SNTG2: variants seen among roughly 807,000 people sequenced by gnomAD.
The protein encoded by SNTG2 is syntrophin gamma 2.
Under a neutral mutation model 70.9 loss-of-function variants are expected in SNTG2, and 74 were observed. That is an observed-to-expected ratio of 1.04 (90% CI 0.86 to 1.27). SNTG2 has a LOEUF of 1.27. SNTG2 is among the 50% of genes most tolerant of loss of function. The probability of loss-of-function intolerance (pLI) is 0.00; values close to 1 mark genes in which losing one functional copy is unlikely to be tolerated. For missense variants in SNTG2, 717 were observed against 690.7 expected, an observed-to-expected ratio of 1.04 and a Z score of -0.43; for synonymous variants, 278 against 273.8, an observed-to-expected ratio of 1.02 and a Z score of -0.15.
At chr2:1,042,338 TTAAC>T (rs1269894903) in intron 1 of SNTG2, among the ~76,000 whole-genome samples, 1 of 152,212 alleles carries the variant, frequency 6.6e-6, no homozygotes, top group Non-Finnish European at 1.5e-5. Flanking sequence ...ATTTCTCAAT[TTAAC>T]TAGTATTTCT....
intron 1 of SNTG2, among the ~76,000 whole-genome samples, chr2:1,081,640 C>T (rs1664303030): frequency 1.3e-5 from 2 of 152,238 alleles, no homozygotes; most frequent in South Asian, 2.1e-4. Flanking sequence ...TTGGTGCCTC[C>T]ACAGGCACTG....
intron 1 of SNTG2, among the ~76,000 whole-genome samples, chr2:1,060,135 A>C (rs978938872): frequency 6.6e-6 from 1 of 152,242 alleles, no homozygotes; most frequent in Non-Finnish European, 1.5e-5. Flanking sequence ...GATGTTTAAC[A>C]CCAAGACTAA....
intron 8 of SNTG2, among the ~76,000 whole-genome samples, chr2:1,206,660 A>G (rs1213769513): frequency 6.6e-6 from 1 of 152,176 alleles, no homozygotes; most frequent in African/African-American, 2.4e-5. Flanking sequence ...CTCCAAGTGA[A>G]AAGCGTCCTA....
chr2:1,159,569 G>A (rs1199549087), intron 6 of SNTG2: 2 of 152,152 alleles, frequency 1.3e-5, no homozygotes, highest in African/African-American at 2.4e-5. Context: ...AAAATTCGTC[G>A]AATACAAGTA....
intron 9 of SNTG2, among the ~76,000 whole-genome samples, chr2:1,225,888 G>GGGCAC (rs1256794719): frequency 6.6e-6 from 1 of 152,124 alleles, no homozygotes; most frequent in African/African-American, 2.4e-5. Context: ...CACCTGGGCA[G>GGGCAC]GGCACAATCT....
chr2:972,611 G>A (rs1025981488), intron 1 of SNTG2, among the ~76,000 whole-genome samples: 3 of 152,128 alleles, frequency 2.0e-5, no homozygotes, highest in African/African-American at 7.2e-5. Flanking sequence ...ATTGGAGGTG[G>A]AGCCTGGTGG....
rs541667901 is a variant in SNTG2, at chr2:1,045,989, C to T, written c.73-37529C>T. On this transcript the variant is annotated intron_variant, in intron 1 of 16. Coordinates refer to ENST00000308624, the MANE Select transcript of SNTG2 (RefSeq NM_018968.4). ...GTGTTGAAATATCTCACTATTATTC[C>T]GTGGTTATCTGAGACTCTCTGTGAG... Among the ~76,000 whole-genome samples, 15 of 151,928 alleles carry T rather than the reference C, an allele frequency of 9.9e-5. No individual in the cohort carries two copies. The South Asian group carries it at 1.5e-3, about 15-fold the overall frequency.
chr2:1,137,362 T>C (rs1355382133), intron 4 of SNTG2, among the ~76,000 whole-genome samples: 1 of 147,150 alleles, frequency 6.8e-6, no homozygotes, highest in Non-Finnish European at 1.5e-5. Flanking sequence ...CACACAGGCA[T>C]GCACATATCA....
intron 13 of SNTG2, among the ~76,000 whole-genome samples, chr2:1,261,438 ATACC>A (rs1279347615): frequency 6.6e-6 from 1 of 152,168 alleles, no homozygotes; most frequent in African/African-American, 2.4e-5. Context: ...TTTTTCTCTG[ATACC>A]TTCTAAAAAT....
intron 1 of SNTG2, among the ~76,000 whole-genome samples, chr2:1,051,667 T>C (rs928474726): frequency 1.3e-5 from 2 of 152,200 alleles, no homozygotes; most frequent in African/African-American, 4.8e-5. Context: ...TTCTTTCCAG[T>C]ATATGCCATG....
chr2:971,975 T>C (rs1396757589), intron 1 of SNTG2, among the ~76,000 whole-genome samples: 1 of 152,152 alleles, frequency 6.6e-6, no homozygotes, highest in Non-Finnish European at 1.5e-5. Flanking sequence ...GTGATTTTCT[T>C]GTTATTGATT....
chr2:1,085,317 T>C (rs988503396), intron 2 of SNTG2, among the ~76,000 whole-genome samples: 3 of 152,152 alleles, frequency 2.0e-5, no homozygotes, highest in African/African-American at 7.2e-5. Context: ...TAGAAAAAAA[T>C]AAATTACATT....
chr2:1,100,770 A>G (rs1363729948), intron 4 of SNTG2, among the ~76,000 whole-genome samples: 2 of 152,068 alleles, frequency 1.3e-5, no homozygotes, highest in East Asian at 3.9e-4. Context: ...TTTTTTTTTA[A>G]TTGGTGGATA....
intron 6 of SNTG2, among the ~76,000 whole-genome samples, chr2:1,145,355 A>G (rs28890873): frequency 0.37 from 55,850 of 151,918 alleles, 11,113 homozygotes; most frequent in East Asian, 0.83. Context: ...TACATATGCA[A>G]AGAGAGAACA....
chr2:1,099,315 T>G (rs1665608713), intron 4 of SNTG2, among the ~76,000 whole-genome samples: 1 of 152,172 alleles, frequency 6.6e-6, no homozygotes, highest in Admixed American at 6.5e-5. Context: ...GGTGGCCTTA[T>G]GACCTCATGT....
At position 1,255,001 on chromosome 2, in the gene SNTG2, C is replaced by T. The variant is rs571545163; in HGVS notation, c.1006-4369C>T. On this transcript the variant is annotated intron_variant, in intron 12 of 16. Coordinates refer to ENST00000308624, the MANE Select transcript of SNTG2 (RefSeq NM_018968.4). ...TGATAAAGTGCCTCAGAGAGGTTCA[C>T]GCTGCATGGGCCCCTCTTAGCAGAG... Among the ~76,000 whole-genome samples, 87 of 152,242 alleles carry T rather than the reference C, an allele frequency of 5.7e-4. No individual in the cohort carries two copies. The South Asian group carries it at 0.017, about 29-fold the overall frequency.
intron 4 of SNTG2, among the ~76,000 whole-genome samples, chr2:1,134,059 G>A (rs933900322): frequency 6.6e-6 from 1 of 152,044 alleles, no homozygotes; most frequent in Non-Finnish European, 1.5e-5. Flanking sequence ...GAGTGTTACA[G>A]CTCTTAAGGC....
At chr2:1,064,288 G>A (rs1031541661) in intron 1 of SNTG2, among the ~76,000 whole-genome samples, 11 of 152,126 alleles carry the variant, frequency 7.2e-5, no homozygotes, top group African/African-American at 2.6e-4. Context: ...AATGTTAAAA[G>A]ATGTACTTCA....
chr2:1,007,060 T>C (rs1260282874), intron 1 of SNTG2, among the ~76,000 whole-genome samples: 1 of 151,714 alleles, frequency 6.6e-6, no homozygotes, highest in South Asian at 2.1e-4. Flanking sequence ...AATAAATAAA[T>C]GTGTATATAT....
Sources: gnomAD v4.1 joint callset for allele counts (sites outside exome capture counted in the v4.1 genomes callset) on GRCh38, gnomAD v4.1.1 for gene constraint, MANE v1.5 for transcripts, NCBI Gene and HGNC (gene_info 2026-07-23, HGNC 2026-07-21) for gene names.